The following ZNF142 variants were observed in gnomAD, a reference collection of about 807,000 sequenced individuals.
ZNF142 encodes the protein zinc finger protein 142.
ZNF142 carries 96 observed loss-of-function variants against 132.1 expected under a neutral mutation model. That is an observed-to-expected ratio of 0.73 (90% CI 0.62 to 0.86). ZNF142 has a LOEUF of 0.86. Among genes scored for constraint, ZNF142 ranks in the 40% least tolerant of loss-of-function variants. ZNF142 has a pLI of 0.00. For synonymous variants in ZNF142, 842 were observed against 890.1 expected, an observed-to-expected ratio of 0.95 and a Z score of 0.96; for missense variants, 2,163 against 2,336.2, an observed-to-expected ratio of 0.93 and a Z score of 1.53.
Position 218,656,290 on chromosome 2 carries a change from C to G in ZNF142, c.140G>C (p.Arg47Pro), listed in dbSNP as rs569801884. 97 of 1,612,744 alleles carry G rather than the reference C, an allele frequency of 6.0e-5. 1 individual carries two copies. In the East Asian group the frequency reaches 1.6e-3, roughly 26 times the overall value. ...LGPVQSPCPS[R>P]DPAPIPTEPG... ...CTCAGTAGGTATAGGTGCAGGGTCC[C>G]GGGAAGGACAGGGGCTCTGGACAGG... The change falls in exon 4 of 11, where the codon CGG becomes CCG. Residue 47 changes from arginine to proline, a missense_variant. Transcript: ENST00000411696.
In ZNF142 at chr2:218,636,703, A is replaced by C; in HGVS notation, c.*1636T>G. 1 of 995,156 alleles carries C rather than the reference A, an allele frequency of 1.0e-6. No homozygotes were observed. The highest frequency in any genetic ancestry group is 1.5e-6 in the Non-Finnish European group (1 of 664,312). 61.6% of individuals were successfully genotyped at this position (995,156 alleles called of 1,614,324 possible). On this transcript the variant is annotated 3_prime_UTR_variant, in exon 11 of 11. Coordinates refer to ENST00000411696, the MANE Select transcript of ZNF142 (RefSeq NM_001379659.1). ...TTTGGATTGTGCATTCCTAGGCACA[A>C]AATTACCTCATTCTTCCTAACAAGC...
In ZNF142 at chr2:218,656,155, G is replaced by T; in HGVS notation, c.275C>A (p.Thr92Asn). 1 of 1,570,382 alleles carries T rather than the reference G, an allele frequency of 6.4e-7. No homozygotes were observed. The highest frequency in any genetic ancestry group is 1.3e-5 in the African/African-American group (1 of 74,144). ...GCTTGCAACTGTGTTTGTACCTGGG[G>T]TCTCTCCAGGAGCACCTGGGGTCAG... is the stretch of plus-strand genomic sequence containing the variant. ...GTLTPGAPGE[T>N]PGVLVKVVEV... is the part of the protein sequence containing the mutation. Residue 92 changes from threonine to asparagine, a missense_variant, in exon 4 of 11, where the codon ACC becomes AAC. Physicochemically the swap from Thr to Asn is moderately conservative, Grantham distance 65. Around this residue, in one of 7 missense-constraint regions of ZNF142, gnomAD observed 195 missense variants for 172.4 expected, o/e 1.13. Coordinates refer to ENST00000411696, the MANE Select transcript of ZNF142 (RefSeq NM_001379659.1).
chr2:218,639,378 G>A (rs1696978817), intron 10 of ZNF142, among the ~76,000 whole-genome samples: 1 of 152,226 alleles, frequency 6.6e-6, no homozygotes, highest in Admixed American at 6.5e-5. Context: ...GGATGCTGAT[G>A]ATTAACGGGA....
At position 218,656,471 on chromosome 2, in the gene ZNF142, GC is replaced by G. The variant is rs766592825; in HGVS notation, c.-34-9del. The G allele has an allele frequency of 2.2e-5, 31 of 1,421,780 alleles. 1 individual carries two copies. The African/African-American group carries it at 3.2e-4, about 14-fold the overall frequency. 88.1% of individuals were successfully genotyped at this position (1,421,780 alleles called of 1,614,324 possible). A position where few individuals can be genotyped will look rare whatever the true frequency, so the allele number is the denominator to read the frequency against. ...GTTTTGGCTTCTTAAATGCTGACAA[GC>G]CAACCAGAAGAAAAACAAAGTAAGG... On this transcript the variant is annotated splice_polypyrimidine_tract_variant and intron_variant, in intron 3 of 10. Coordinates refer to ENST00000411696, the MANE Select transcript of ZNF142 (RefSeq NM_001379659.1).
intron 4 of ZNF142, among the ~76,000 whole-genome samples, chr2:218,654,989 T>C (rs139613361): frequency 1.7e-3 from 262 of 152,196 alleles, no homozygotes; most frequent in Admixed American, 4.8e-3. Flanking sequence ...CATGGGAAGC[T>C]GAGGCAAGAG....
chr2:218,635,357 C>T lies in ZNF142; in HGVS notation c.*2982G>A, dbSNP rs955336121. On this transcript the variant is annotated 3_prime_UTR_variant, in exon 11 of 11. Coordinates refer to ENST00000411696, the MANE Select transcript of ZNF142 (RefSeq NM_001379659.1). ...GATCCATTTAATTTATTTGTTTATTCTGAGACAGAGTCTTGCTCTGCTGCA... is the reference window on the plus strand; with the variant it reads ...GATCCATTTAATTTATTTGTTTATTTTGAGACAGAGTCTTGCTCTGCTGCA... Among the ~76,000 whole-genome samples, 1 of 152,034 alleles carries T rather than the reference C, an allele frequency of 6.6e-6. No homozygotes were observed. Among genetic ancestry groups the T allele is most frequent in the Admixed American group, 6.5e-5 (1 of 15,270 alleles).
At chr2:218,641,238 C>T (rs569698717) in intron 9 of ZNF142, among the ~76,000 whole-genome samples, 3 of 147,714 alleles carry the variant, frequency 2.0e-5, no homozygotes, top group South Asian at 2.2e-4. Flanking sequence ...CTCACCTGGC[C>T]GATAATTTTT....
rs760537418 is a variant in ZNF142 at position 218,642,948 on chromosome 2, G to A, written c.4168C>T (p.Arg1390Trp). The A allele has an allele frequency of 1.6e-5, 26 of 1,613,580 alleles. No individual in the cohort carries two copies. Among genetic ancestry groups the A allele is most frequent in the Middle Eastern group, 1.6e-4 (1 of 6,084 alleles). Reference protein sequence around the residue: ...CKQSRCMQQHRRLKHEGVKPH... With the variant: ...CKQSRCMQQHWRLKHEGVKPH... ...TTCACCCCCTCGTGCTTGAGCCGCC[G>A]GTGCTGCTGCATGCAACGGCTCTGT... The change falls in exon 9 of 11, where the codon CGG (arginine) becomes TGG (tryptophan). Residue 1390 changes from arginine (R) to tryptophan (W), a missense_variant. By Grantham distance (101) the Arg-to-Trp change is moderately radical. Coordinates refer to ENST00000411696, the MANE Select transcript of ZNF142 (RefSeq NM_001379659.1). The surrounding 1 kb of genome is among the most constrained non-coding windows in gnomAD (Gnocchi z 4.6).
At position 218,642,056 on chromosome 2, in the gene ZNF142, T is replaced by C. The variant is rs1559287376; in HGVS notation, c.5060A>G (p.Tyr1687Cys). The C allele has an allele frequency of 1.9e-6, 3 of 1,614,122 alleles. No homozygotes were observed. The highest frequency in any genetic ancestry group is 1.7e-6 in the Non-Finnish European group (2 of 1,179,996). ...EKPYHCHLCP[Y>C]ACADPSRLKY... ...GAGACGAGAGGGATCAGCACAGGCA[T>C]AGGGGCAGAGGTGACAGTGGTAAGG... Residue 1687 changes from tyrosine (Y) to cysteine (C), a missense_variant, in exon 9 of 11, where the codon TAT becomes TGT. Physicochemically the swap from Tyr to Cys is radical, Grantham distance 194. Transcript: ENST00000411696. The surrounding 1 kb of genome is among the most constrained non-coding windows in gnomAD (Gnocchi z 4.6).
intron 6 of ZNF142, among the ~76,000 whole-genome samples, chr2:218,650,155 T>G (rs1937844732): frequency 6.6e-6 from 1 of 152,228 alleles, no homozygotes; most frequent in African/African-American, 2.4e-5. Flanking sequence ...CAAACTCGAT[T>G]TACCCCAATG....
chr2:218,637,849 T>C lies in ZNF142; in HGVS notation c.*490A>G, dbSNP rs894471843. On this transcript the variant is annotated 3_prime_UTR_variant, in exon 11 of 11. Transcript: ENST00000411696. ...GGCAGAGGTCTGAGAGGGGACAGAG[T>C]TGATCAAGATGACAGCCTGGAAATG... is the stretch of plus-strand genomic sequence containing the variant. The C allele has an allele frequency of 6.6e-6, 1 of 152,412 alleles. No individual in the cohort carries two copies. The highest frequency in any genetic ancestry group is 2.4e-5 in the African/African-American group (1 of 41,376). The allele number at this position is 152,412 out of a possible 1,614,324, so 9.4% of individuals were successfully genotyped here.
chr2:218,636,740 T>A lies in ZNF142; in HGVS notation c.*1599A>T. On this transcript the variant is annotated 3_prime_UTR_variant, in exon 11 of 11. Coordinates refer to ENST00000411696, the MANE Select transcript of ZNF142 (RefSeq NM_001379659.1). ...TCTTCCTAACAAGCAATCTGGGACC[T>A]GATTTTCCACCTTTTTTCTCTTTTC... 1 of 750,910 alleles carries A rather than the reference T, an allele frequency of 1.3e-6. No individual in the cohort carries two copies. Among genetic ancestry groups the A allele is most frequent in the Non-Finnish European group, 2.2e-6 (1 of 448,736 alleles). The allele number at this position is 750,910 out of a possible 1,614,324, so 46.5% of individuals were successfully genotyped here.
chr2:218,638,845 T>A (rs1696938797), intron 10 of ZNF142, 37 bp from the exon 11 acceptor site: 2 of 1,515,126 alleles, frequency 1.3e-6, no homozygotes, highest in African/African-American at 2.7e-5. Flanking sequence ...TGAAAGGCGG[T>A]GGAGCAAGGT....
chr2:218,648,536 A>G, intron 7 of ZNF142, 99 bp downstream of exon 7: 1 of 1,180,170 alleles, frequency 8.5e-7, no homozygotes, highest in Non-Finnish European at 1.2e-6. Flanking sequence ...TATCTCTAGG[A>G]ATTTTGGGTC....
intron 7 of ZNF142, among the ~76,000 whole-genome samples, chr2:218,648,270 A>G (rs1053869991): frequency 1.3e-5 from 2 of 152,240 alleles, no homozygotes; most frequent in Non-Finnish European, 2.9e-5. Context: ...CGTCTCTCTT[A>G]GCATATCCCA....
Position 218,643,367 on chromosome 2 carries a change from C to A in ZNF142, c.3749G>T (p.Arg1250Met). Reference sequence around the variant, plus strand: ...TTTTCCTCCCCCGCCACGTCCCCCCCTGCAGCCTTCAGCCACGTGAGAGGT... The same window carrying A: ...TTTTCCTCCCCCGCCACGTCCCCCCATGCAGCCTTCAGCCACGTGAGAGGT... Reference protein sequence around the residue: ...SITSHVAEGCRGGRGGGGKRG... With the variant: ...SITSHVAEGCMGGRGGGGKRG... Residue 1250 changes from arginine to methionine, a missense_variant, in exon 9 of 11, where the codon AGG (arginine) becomes ATG (methionine). Coordinates refer to ENST00000411696, the MANE Select transcript of ZNF142 (RefSeq NM_001379659.1). 1 of 1,614,234 alleles carries A rather than the reference C, an allele frequency of 6.2e-7. No homozygotes were observed. The highest frequency in any genetic ancestry group is 8.5e-7 in the Non-Finnish European group (1 of 1,180,030).
In ZNF142 at chr2:218,633,471, T is replaced by G. The variant is rs1696508476; in HGVS notation, c.*4868A>C. On this transcript the variant is annotated 3_prime_UTR_variant, in exon 11 of 11. Transcript: ENST00000411696. Reference sequence around the variant, plus strand: ...ATTTCCAAGCCTGAGTCCCTTCTCTTGTCCCGGCAGGTGAGGCAGGAGGGA... The same window carrying G: ...ATTTCCAAGCCTGAGTCCCTTCTCTGGTCCCGGCAGGTGAGGCAGGAGGGA... 9.4e-7 allele frequency: 1 copy of G among 1,063,146 alleles called. No individual in the cohort carries two copies. The highest frequency in any genetic ancestry group is 1.4e-6 in the Non-Finnish European group (1 of 702,186). The allele number at this position is 1,063,146 out of a possible 1,614,324, so 65.9% of individuals were successfully genotyped here.
intron 4 of ZNF142, among the ~76,000 whole-genome samples, chr2:218,652,618 A>G (rs1938112786): frequency 6.6e-6 from 1 of 152,248 alleles, no homozygotes; most frequent in Non-Finnish European, 1.5e-5. Flanking sequence ...AGAAACTTCC[A>G]AAAGAAAATG....
rs1422278183 is a variant in ZNF142, at chr2:218,659,170, G to GC, written c.-361-41dup. On this transcript the variant is annotated intron_variant, in intron 1 of 10. Coordinates refer to ENST00000411696, the MANE Select transcript of ZNF142 (RefSeq NM_001379659.1). This position sits in a 1 kb window ranked among gnomAD's most constrained non-coding sequence, Gnocchi z 4.4. The stretch of plus-strand genomic sequence containing the variant: ...TCGTCATGATTTTGTCCTGAGAGCA[G>GC]CAGGTACCCGGGCGGGGTCCAGAAC... 1 of 152,366 alleles carries GC rather than the reference G, an allele frequency of 6.6e-6. No individual in the cohort carries two copies. Among genetic ancestry groups the GC allele is most frequent in the African/African-American group, 2.4e-5 (1 of 41,456 alleles). The allele number at this position is 152,366 out of a possible 1,614,324, so 9.4% of individuals were successfully genotyped here. A position where few individuals can be genotyped will look rare whatever the true frequency, so the allele number is the denominator to read the frequency against.
Sources: gnomAD v4.1 joint callset for allele counts (sites outside exome capture counted in the v4.1 genomes callset) on GRCh38, gnomAD v4.1.1 for gene constraint, gnomAD v4.1.1 regional missense constraint, Gnocchi (gnomAD v3.1) non-coding constraint, MANE v1.5 for transcripts, NCBI Gene and HGNC (gene_info 2026-07-23, HGNC 2026-07-21) for gene names.